The following CELF2 variants were observed in gnomAD, a reference collection of about 807,000 sequenced individuals.
The protein encoded by CELF2 is CUG triplet repeat RNA-binding protein 2.
In CELF2, 8 loss-of-function variants were observed where a neutral mutation model predicts 62.6. That is an observed-to-expected ratio of 0.13 (90% CI 0.07 to 0.23). The LOEUF is 0.23. Among genes scored for constraint, CELF2 ranks in the 10% least tolerant of loss-of-function variants. The pLI is 1.00. For missense variants in CELF2, 333 were observed against 671.0 expected (o/e 0.50, Z 5.56); for synonymous variants, 258 against 250.0 (o/e 1.03, Z -0.30).
the CELF2 span, among the ~76,000 whole-genome samples, chr10:10,638,726 G>A: frequency 2.6e-5 from 4 of 152,108 alleles, no homozygotes; most frequent in Non-Finnish European, 5.9e-5. Context: ...TCTGACTCAG[G>A]GCAAGGCAAT....
the CELF2 span, among the ~76,000 whole-genome samples, chr10:10,662,172 A>G: frequency 3.3e-5 from 5 of 152,170 alleles, no homozygotes; most frequent in Non-Finnish European, 5.9e-5. Flanking sequence ...CGTCCACTGT[A>G]CCAGCTCAGC....
chr10:11,271,046 T>C (rs975664112), intron 7 of CELF2, among the ~76,000 whole-genome samples: 3 of 152,186 alleles, frequency 2.0e-5, no homozygotes, highest in Non-Finnish European at 4.4e-5. Flanking sequence ...GTCCCACAGG[T>C]TAAACTTCTA....
rs1304466510 is a variant in CELF2 at position 11,260,931 on chromosome 10, G to A, written c.538+3059G>A. 1.3e-5 allele frequency among the ~76,000 whole-genome samples: 2 copies of A among 152,134 alleles called. No homozygotes were observed. The highest frequency in any genetic ancestry group is 6.5e-5 in the Admixed American group (1 of 15,276). On this transcript the variant is annotated intron_variant, in intron 5 of 12. Coordinates refer to ENST00000633077, the MANE Select transcript of CELF2 (RefSeq NM_001326342.2). The surrounding 1 kb of genome is among the most constrained non-coding windows in gnomAD (Gnocchi z 4.2). ...TTGCAGTTTTGAATCAAATATTAATGTGTCTCCCATTAGTGGCACTGCAGA... is the reference window on the plus strand; with the variant it reads ...TTGCAGTTTTGAATCAAATATTAATATGTCTCCCATTAGTGGCACTGCAGA...
the CELF2 span, among the ~76,000 whole-genome samples, chr10:10,598,406 G>T: frequency 6.6e-6 from 1 of 152,146 alleles, no homozygotes; most frequent in East Asian, 1.9e-4. Context: ...CTGTACAAGG[G>T]CCATGATTTA....
chr10:11,056,460 A>G (rs1350961469), intron 1 of CELF2, among the ~76,000 whole-genome samples: 1 of 152,230 alleles, frequency 6.6e-6, no homozygotes, highest in African/African-American at 2.4e-5. Context: ...GTTTCACTGT[A>G]AGATAAAGAG....
intron 7 of CELF2, among the ~76,000 whole-genome samples, chr10:11,273,621 G>C (rs995012303): frequency 6.6e-6 from 1 of 152,150 alleles, no homozygotes; most frequent in Non-Finnish European, 1.5e-5. Flanking sequence ...TCCATGTGTA[G>C]GGTTTATCAT....
intron 1 of CELF2, among the ~76,000 whole-genome samples, chr10:11,131,315 G>A (rs1363878291): frequency 6.6e-6 from 1 of 152,160 alleles, no homozygotes; most frequent in Admixed American, 6.6e-5. Flanking sequence ...AGGACTCCTG[G>A]GACTCACTGT....
At chr10:10,796,611 GA>G (rs2054153606), upstream of CELF2, among the ~76,000 whole-genome samples, 1 of 152,216 alleles carries the variant, frequency 6.6e-6, no homozygotes, top group African/African-American at 2.4e-5. Context: ...GGCTAAGGAT[GA>G]GGATGATGTC....
chr10:11,135,609 T>G (rs2060307946), intron 1 of CELF2, among the ~76,000 whole-genome samples: 1 of 152,246 alleles, frequency 6.6e-6, no homozygotes. Flanking sequence ...CATTTGTGCC[T>G]CCTGCTCAAG....
chr10:10,897,290 A>G (rs1271716250), intron 1 of CELF2, among the ~76,000 whole-genome samples: 1 of 152,164 alleles, frequency 6.6e-6, no homozygotes, highest in Non-Finnish European at 1.5e-5. Flanking sequence ...AGGAAAGGGG[A>G]TGCTTTTTAG....
intron 1 of CELF2, among the ~76,000 whole-genome samples, chr10:10,870,897 C>T (rs917771607): frequency 6.6e-6 from 1 of 152,136 alleles, no homozygotes; most frequent in Admixed American, 6.5e-5. Flanking sequence ...TTGCCTCCAG[C>T]CTTGTTATTT....
chr10:11,047,189 C>T (rs1168938884), intron 1 of CELF2, among the ~76,000 whole-genome samples: 3 of 152,124 alleles, frequency 2.0e-5, no homozygotes, highest in Non-Finnish European at 4.4e-5. Flanking sequence ...GGAATACAGT[C>T]CTATACAAAG....
intron 2 of CELF2, among the ~76,000 whole-genome samples, chr10:10,969,044 C>A (rs182284612): frequency 6.6e-6 from 1 of 152,146 alleles, no homozygotes; most frequent in Non-Finnish European, 1.5e-5. Flanking sequence ...ATTATGATTG[C>A]GATGATGATT....
chr10:11,078,414 A>G (rs1334007393), intron 1 of CELF2, among the ~76,000 whole-genome samples: 3 of 152,216 alleles, frequency 2.0e-5, no homozygotes, highest in African/African-American at 4.8e-5. Flanking sequence ...AGTTCTACCT[A>G]TAACAGGTGC....
intron 1 of CELF2, among the ~76,000 whole-genome samples, chr10:10,864,086 A>G (rs1274963796): frequency 6.6e-6 from 1 of 152,196 alleles, no homozygotes; most frequent in South Asian, 2.1e-4. Context: ...TATTATAATT[A>G]GCATATAATA....
At chr10:11,002,085 A>T (rs1338793448), upstream of CELF2, among the ~76,000 whole-genome samples, 1 of 152,238 alleles carries the variant, frequency 6.6e-6, no homozygotes, top group Non-Finnish European at 1.5e-5. This position sits in a 1 kb window ranked among gnomAD's most constrained non-coding sequence, Gnocchi z 4.4. Flanking sequence ...ATAAAGAAAA[A>T]GAGGTTTAAT....
intron 2 of CELF2, among the ~76,000 whole-genome samples, chr10:10,949,440 G>A (rs1458591535): frequency 2.6e-5 from 4 of 152,104 alleles, no homozygotes; most frequent in Non-Finnish European, 5.9e-5. Context: ...TGCCGCAGAG[G>A]AGGGTGGCAG....
intron 1 of CELF2, among the ~76,000 whole-genome samples, chr10:10,860,475 A>G (rs376762228): frequency 6.6e-6 from 1 of 152,216 alleles, no homozygotes; most frequent in Admixed American, 6.5e-5. Context: ...TCTATGACTC[A>G]TTAAAATGCA....
At chr10:11,002,712 G>A (rs902479513), upstream of CELF2, among the ~76,000 whole-genome samples, 6 of 152,146 alleles carry the variant, frequency 3.9e-5, no homozygotes, top group Non-Finnish European at 7.4e-5. The surrounding 1 kb of genome is among the most constrained non-coding windows in gnomAD (Gnocchi z 4.4). Context: ...AATGTGAAAA[G>A]GTCTTGAAAT....
Sources: gnomAD v4.1 joint callset for allele counts (sites outside exome capture counted in the v4.1 genomes callset) on GRCh38, gnomAD v4.1.1 for gene constraint, Gnocchi (gnomAD v3.1) non-coding constraint, MANE v1.5 for transcripts, NCBI Gene and HGNC (gene_info 2026-07-23, HGNC 2026-07-21) for gene names.